The following IMMP1L variants were observed in gnomAD, a reference collection of about 807,000 sequenced individuals.
IMMP1L encodes mitochondrial inner membrane protease subunit 1.
IMMP1L carries 24 observed loss-of-function variants against 21.8 expected under a neutral mutation model. That is an observed-to-expected ratio of 1.10 (90% confidence interval 0.80 to 1.55). The LOEUF (loss-of-function observed/expected upper bound fraction) is 1.55, where lower values mean the gene tolerates loss of function less well. Ranked by LOEUF, IMMP1L falls within the 40% of genes most tolerant of loss-of-function variation. The probability of loss-of-function intolerance (pLI) is 0.00; values close to 1 mark genes in which losing one functional copy is unlikely to be tolerated. For synonymous variants in IMMP1L, 46 were observed against 62.8 expected (o/e 0.73, Z 1.26); for missense variants, 195 against 200.7 (o/e 0.97, Z 0.17).
chr11:31,504,633 G>A (rs1456537312), intron 1 of IMMP1L, among the ~76,000 whole-genome samples: 2 of 152,114 alleles, frequency 1.3e-5, no homozygotes, highest in Non-Finnish European at 2.9e-5. Context: ...CCACAAATGG[G>A]AAACTATCCA....
intron 2 of IMMP1L, among the ~76,000 whole-genome samples, chr11:31,462,842 G>A (rs1252119382): frequency 6.6e-6 from 1 of 152,166 alleles, no homozygotes; most frequent in East Asian, 1.9e-4. Context: ...GAGTTAGTAA[G>A]TGTAAAACAT....
chr11:31,485,713 A>C (rs1210317352), intron 1 of IMMP1L, among the ~76,000 whole-genome samples: 1 of 151,920 alleles, frequency 6.6e-6, no homozygotes, highest in Non-Finnish European at 1.5e-5. Flanking sequence ...CAAATGTAAA[A>C]GAAAACAAAA....
intron 4 of IMMP1L, among the ~76,000 whole-genome samples, chr11:31,444,993 CCT>C (rs1953466993): frequency 6.6e-6 from 1 of 152,082 alleles, no homozygotes; most frequent in South Asian, 2.1e-4. Context: ...CTGTGTTTTA[CCT>C]CTGTCTCTTT....
chr11:31,473,207 G>A (rs577428555), intron 1 of IMMP1L, among the ~76,000 whole-genome samples: 7 of 152,196 alleles, frequency 4.6e-5, no homozygotes, highest in African/African-American at 1.7e-4. Context: ...CTGCCACCAC[G>A]CCCGGCTAAT....
intron 1 of IMMP1L, among the ~76,000 whole-genome samples, chr11:31,466,823 G>A (rs1372696877): frequency 1.3e-5 from 2 of 151,976 alleles, no homozygotes; most frequent in African/African-American, 4.8e-5. Context: ...TAGATAGGAG[G>A]AATAAGTTAC....
At chr11:31,507,282 A>G (rs74962968) in intron 1 of IMMP1L, among the ~76,000 whole-genome samples, 2 of 126,486 alleles carry the variant, frequency 1.6e-5, no homozygotes, top group African/African-American at 4.6e-5. Context: ...TCCGTCTCAG[A>G]AAAAAAAAAC....
At chr11:31,495,390 T>C (rs960288783) in intron 1 of IMMP1L, among the ~76,000 whole-genome samples, 1 of 152,188 alleles carries the variant, frequency 6.6e-6, no homozygotes, top group East Asian at 1.9e-4. Flanking sequence ...GGTATCCTTA[T>C]AGCAGTGCCC....
At chr11:31,444,858 C>T (rs910892015) in intron 4 of IMMP1L, among the ~76,000 whole-genome samples, 1 of 152,100 alleles carries the variant, frequency 6.6e-6, no homozygotes, top group Non-Finnish European at 1.5e-5. Flanking sequence ...TGCTTAGGCC[C>T]TTATCAAGCA....
At chr11:31,444,760 T>A (rs1434387227) in intron 4 of IMMP1L, among the ~76,000 whole-genome samples, 1 of 152,116 alleles carries the variant, frequency 6.6e-6, no homozygotes, top group Non-Finnish European at 1.5e-5. Flanking sequence ...TGGCTAATTT[T>A]TGTATTTTTA....
rs757274950 is a variant in IMMP1L, at chr11:31,433,566, G to T, written c.326C>A (p.Pro109Gln). The T allele has an allele frequency of 6.3e-7, 1 of 1,599,540 alleles. No individual in the cohort carries two copies. Among genetic ancestry groups the T allele is most frequent in the East Asian group, 2.2e-5 (1 of 44,660 alleles). The stretch of plus-strand genomic sequence containing the variant: ...ACCTTCTAACCAAACATGACCCATT[G>T]GCACCTAGAATTAGAGAAGAAATGC... ...SDFFKSHSYVPMGHVWLEGDN... is the reference protein window; with the variant it reads ...SDFFKSHSYVQMGHVWLEGDN... Residue 109 changes from proline (P) to glutamine (Q), a missense_variant, in exon 5 of 6, where the codon CCA (proline) becomes CAA (glutamine). Physicochemically the swap from Pro to Gln is moderately conservative, Grantham distance 76. Coordinates refer to ENST00000532287, the MANE Select transcript of IMMP1L (RefSeq NM_001304274.2).
intron 3 of IMMP1L, among the ~76,000 whole-genome samples, chr11:31,459,622 G>A (rs1474379271): frequency 6.6e-6 from 1 of 151,954 alleles, no homozygotes; most frequent in East Asian, 1.9e-4. Flanking sequence ...ATTTTTTTGT[G>A]AGATGGAGTC....
rs1295675387 is a variant in IMMP1L, at chr11:31,463,215, C to G, written c.62G>C (p.Cys21Ser). The G allele has an allele frequency of 6.2e-7, 1 of 1,612,040 alleles. No homozygotes were observed. The highest frequency in any genetic ancestry group is 1.7e-5 in the Admixed American group (1 of 59,808). The part of the protein sequence containing the change: ...RLVGYTIQYG[C>S]IAHCAFEYVG... ...GTATTCAAAAGCACAATGAGCTATACAGCCATATTGAATAGTATAGCCAAC... is the reference window on the plus strand; with the variant it reads ...GTATTCAAAAGCACAATGAGCTATAGAGCCATATTGAATAGTATAGCCAAC... The change falls in exon 2 of 6, where the codon TGT becomes TCT. Residue 21 changes from cysteine (C) to serine (S), a missense_variant. Transcript: ENST00000532287.
intron 4 of IMMP1L, among the ~76,000 whole-genome samples, chr11:31,434,059 T>A (rs56404006): frequency 0.25 from 38,213 of 152,032 alleles, 5,356 homozygotes; most frequent in Non-Finnish European, 0.32. Flanking sequence ...TTACAAATAA[T>A]CTCATCATTT....
chr11:31,460,816 C>CTAA (rs1954117041), intron 2 of IMMP1L, 102 bp from the exon 3 acceptor site: 2 of 856,662 alleles, frequency 2.3e-6, no homozygotes, highest in Non-Finnish European at 3.7e-6. Context: ...GCAAATGTTC[C>CTAA]TAAAGCTTGG....
chr11:31,480,481 GTC>G (rs1290299543), intron 1 of IMMP1L, among the ~76,000 whole-genome samples: 4 of 151,856 alleles, frequency 2.6e-5, no homozygotes, highest in Non-Finnish European at 5.9e-5. Flanking sequence ...CTAAAACAAA[GTC>G]TATCTTTGTC....
At position 31,436,456 on chromosome 11, in the gene IMMP1L, G is replaced by A. The variant is rs185951510; in HGVS notation, c.322-2886C>T. ...TGGAGTAATTTTTGTTTTTTGAGAC[G>A]GAGTCTTGCTCTGTTGCCCAGGCTG... On this transcript the variant is annotated intron_variant, in intron 4 of 5. Coordinates refer to ENST00000532287, the MANE Select transcript of IMMP1L (RefSeq NM_001304274.2). 1.4e-3 allele frequency among the ~76,000 whole-genome samples: 211 copies of A among 151,992 alleles called. 1 individual carries two copies. The highest frequency in any genetic ancestry group is 0.01 in the Middle Eastern group (3 of 294).
intron 1 of IMMP1L, among the ~76,000 whole-genome samples, chr11:31,493,636 C>G (rs1376065469): frequency 6.6e-6 from 1 of 152,074 alleles, no homozygotes; most frequent in Non-Finnish European, 1.5e-5. Flanking sequence ...CCCAAAAGTC[C>G]AAGTCCAAAG....
At chr11:31,448,165 C>T (rs1222824774) in intron 4 of IMMP1L, among the ~76,000 whole-genome samples, 1 of 152,000 alleles carries the variant, frequency 6.6e-6, no homozygotes, top group Non-Finnish European at 1.5e-5. Flanking sequence ...AAAAATTAGC[C>T]GGGCATGGTG....
intron 1 of IMMP1L, among the ~76,000 whole-genome samples, chr11:31,499,031 G>T (rs1312860744): frequency 6.6e-6 from 1 of 152,096 alleles, no homozygotes; most frequent in African/African-American, 2.4e-5. Context: ...ATGGGATTCT[G>T]GTTCAAAACT....
Sources: allele counts gnomAD v4.1 joint callset (sites outside exome capture counted in the v4.1 genomes callset), GRCh38; gene constraint gnomAD v4.1.1; transcripts MANE v1.5; gene names NCBI Gene and HGNC (gene_info 2026-07-23, HGNC 2026-07-21).